The following EBF1 variants were observed in gnomAD, a reference collection of about 807,000 sequenced individuals.
EBF1 encodes the protein transcription factor COE1.
In EBF1, 10 loss-of-function variants were observed where a neutral mutation model predicts 68.4. The observed-to-expected ratio is 0.15, with a 90% confidence interval of 0.09 to 0.25. EBF1 has a LOEUF of 0.25. Among genes scored for constraint, EBF1 ranks in the 10% least tolerant of loss-of-function variants. EBF1 has a pLI of 1.00. For synonymous variants in EBF1, 298 were observed against 299.8 expected (o/e 0.99, Z 0.06); for missense variants, 509 against 794.4 (o/e 0.64, Z 4.32).
chr5:158,792,337 C>T (rs1324268175), intron 9 of EBF1, among the ~76,000 whole-genome samples: 1 of 152,176 alleles, frequency 6.6e-6, no homozygotes, highest in South Asian at 2.1e-4. Flanking sequence ...GAAGGCAGAG[C>T]TGAGTTAGGA....
intron 6 of EBF1, among the ~76,000 whole-genome samples, chr5:158,965,242 T>A (rs912289668): frequency 6.6e-6 from 1 of 152,216 alleles, no homozygotes; most frequent in Non-Finnish European, 1.5e-5. Flanking sequence ...GGCCACAGGA[T>A]CCATGTGGCA....
intron 8 of EBF1, among the ~76,000 whole-genome samples, chr5:158,809,617 C>G (rs1216977907): frequency 6.6e-6 from 1 of 152,152 alleles, no homozygotes; most frequent in East Asian, 1.9e-4. Context: ...CCACCTTCTT[C>G]TATTTCCAAG....
chr5:158,932,049 G>T (rs929779390), intron 6 of EBF1, among the ~76,000 whole-genome samples: 4 of 152,128 alleles, frequency 2.6e-5, no homozygotes, highest in Non-Finnish European at 5.9e-5. Flanking sequence ...CAGTGGATGG[G>T]CACTCTCACC....
chr5:159,015,078 ATCTAACTAT>A (rs1765395546), intron 6 of EBF1, among the ~76,000 whole-genome samples: 1 of 152,232 alleles, frequency 6.6e-6, no homozygotes, highest in South Asian at 2.1e-4. Context: ...TTGCAGCCGA[ATCTAACTAT>A]GGCTGATGCA....
At chr5:159,091,409 A>G (rs530335606) in intron 4 of EBF1, among the ~76,000 whole-genome samples, 29 of 152,180 alleles carry the variant, frequency 1.9e-4, no homozygotes, top group Non-Finnish European at 3.5e-4. Context: ...TCATTCCTCT[A>G]TGTGCAAGGA....
chr5:158,807,018 G>A (rs1186321414), intron 8 of EBF1, among the ~76,000 whole-genome samples: 1 of 152,118 alleles, frequency 6.6e-6, no homozygotes, highest in African/African-American at 2.4e-5. Flanking sequence ...CACATTTCAA[G>A]TAGTCAATAG....
intron 7 of EBF1, among the ~76,000 whole-genome samples, chr5:158,825,590 A>T (rs1785914658): frequency 1.3e-5 from 2 of 152,142 alleles, no homozygotes; most frequent in African/African-American, 2.4e-5. Flanking sequence ...AGACACTGTC[A>T]TCTAATCCTA....
intron 6 of EBF1, among the ~76,000 whole-genome samples, chr5:158,951,916 C>T (rs1816090447): frequency 6.6e-6 from 1 of 152,154 alleles, no homozygotes; most frequent in African/African-American, 2.4e-5. Context: ...CAACACTGTG[C>T]CCTTTAGTCA....
At chr5:158,832,858 A>G (rs988925719) in intron 7 of EBF1, among the ~76,000 whole-genome samples, 4 of 152,224 alleles carry the variant, frequency 2.6e-5, no homozygotes, top group African/African-American at 4.8e-5. Flanking sequence ...TCATTTTAAA[A>G]AGCAAAACAC....
chr5:158,855,792 C>A (rs2128011780), intron 6 of EBF1, among the ~76,000 whole-genome samples: 1 of 152,314 alleles, frequency 6.6e-6, no homozygotes, highest in South Asian at 2.1e-4. Flanking sequence ...TTCTCCCCAG[C>A]ACCTCTGGTC....
At chr5:159,059,664 A>T (rs1157118204) in intron 6 of EBF1, among the ~76,000 whole-genome samples, 1 of 152,256 alleles carries the variant, frequency 6.6e-6, no homozygotes, top group Non-Finnish European at 1.5e-5. Context: ...ATTATTTAAA[A>T]GGCAGTTTAT....
At chr5:158,829,609 G>T (rs1787041017) in intron 7 of EBF1, among the ~76,000 whole-genome samples, 1 of 151,946 alleles carries the variant, frequency 6.6e-6, no homozygotes. Context: ...GGGTTGAGAA[G>T]GTATTATATT....
chr5:158,785,115 G>A (rs904206629), intron 9 of EBF1, among the ~76,000 whole-genome samples: 4 of 152,028 alleles, frequency 2.6e-5, no homozygotes, highest in African/African-American at 9.7e-5. Context: ...ATAGGCAGGG[G>A]GTACTGAGTG....
intron 6 of EBF1, among the ~76,000 whole-genome samples, chr5:158,926,592 C>T (rs967848331): frequency 6.7e-6 from 1 of 150,136 alleles, no homozygotes; most frequent in African/African-American, 2.5e-5. Flanking sequence ...GGCATGGTGG[C>T]ACACACCTGT....
chr5:158,900,973 CA>C (rs1803191673), intron 6 of EBF1, among the ~76,000 whole-genome samples: 1 of 150,032 alleles, frequency 6.7e-6, no homozygotes, highest in Non-Finnish European at 1.5e-5. Context: ...AGAGATTATC[CA>C]AAGCAACCTT....
chr5:158,941,448 C>T (rs1287044074), intron 6 of EBF1, among the ~76,000 whole-genome samples: 1 of 152,162 alleles, frequency 6.6e-6, no homozygotes, highest in Non-Finnish European at 1.5e-5. Flanking sequence ...CTGTCCTCCT[C>T]CTAAACACAC....
chr5:158,901,621 C>T (rs1803356380), intron 6 of EBF1, among the ~76,000 whole-genome samples: 1 of 152,162 alleles, frequency 6.6e-6, no homozygotes, highest in Non-Finnish European at 1.5e-5. Context: ...ATAATTATAG[C>T]TAACATTTAT....
chr5:158,696,474 C>T lies in EBF1; in HGVS notation c.*2637G>A, dbSNP rs1755779134. The T allele has an allele frequency of 1.3e-5, 3 of 223,096 alleles. No individual in the cohort carries two copies. Among genetic ancestry groups the T allele is most frequent in the Admixed American group, 1.1e-4 (2 of 17,454 alleles). The allele number at this position is 223,096 out of a possible 1,614,324, so 13.8% of individuals were successfully genotyped here. ...TCAAGGTCTAAGCCGGACACCTTCC[C>T]GGCTGACCGTTCATTCCTTCAGAAA... On this transcript the variant is annotated 3_prime_UTR_variant, in exon 16 of 16. Transcript: ENST00000313708.
rs112231991 is a variant in EBF1, at chr5:159,042,586, CTGTG to C, written c.554+30806_554+30809del. Among the ~76,000 whole-genome samples, 42 of 148,622 alleles carry C rather than the reference CTGTG, an allele frequency of 2.8e-4. 1 individual carries two copies. The highest frequency in any genetic ancestry group is 1.0e-4 in the Non-Finnish European group (7 of 66,948). On this transcript the variant is annotated intron_variant, in intron 6 of 15. Coordinates refer to ENST00000313708, the MANE Select transcript of EBF1 (RefSeq NM_024007.5). The stretch of plus-strand genomic sequence containing the variant: ...CCAAAGGAAAAAAAAAATTCTTTGC[CTGTG>C]TGTGTGTGTGTGTGTGTGTGCATGT...
Sources: gnomAD v4.1 joint callset for allele counts (sites outside exome capture counted in the v4.1 genomes callset) on GRCh38, gnomAD v4.1.1 for gene constraint, MANE v1.5 for transcripts, NCBI Gene and HGNC (gene_info 2026-07-23, HGNC 2026-07-21) for gene names.